SOD2: variants seen among roughly 807,000 people sequenced by gnomAD.
SOD2 encodes superoxide dismutase [Mn], mitochondrial.
In SOD2, 11 loss-of-function variants were observed where a neutral mutation model predicts 27.0. The ratio of observed to expected loss-of-function variants is 0.41; its 90% CI spans 0.26 to 0.67. The LOEUF (loss-of-function observed/expected upper bound fraction) is 0.67, where lower values mean the gene tolerates loss of function less well. SOD2 is among the 30% of genes least tolerant of loss of function. SOD2 has a pLI of 0.34. For missense variants in SOD2, 250 were observed against 274.5 expected (o/e 0.91, Z 0.63); for synonymous variants, 105 against 103.0 (o/e 1.02, Z -0.12).
chr6:159,692,739 G>A lies in SOD2; in HGVS notation c.148C>T (p.His50Tyr), dbSNP rs2114793234. ...TAGGCCGCGTGGTGCTTGCTGTGGTGCAGCTGCATGATCTGCGCGTTGATG... is the reference window on the plus strand; with the variant it reads ...TAGGCCGCGTGGTGCTTGCTGTGGTACAGCTGCATGATCTGCGCGTTGATG... ...PHINAQIMQLHHSKHHAAYVN... is the reference protein window; with the variant it reads ...PHINAQIMQLYHSKHHAAYVN... Residue 50 changes from histidine (H) to tyrosine (Y), a missense_variant, in exon 2 of 5, where the codon CAC becomes TAC. Transcript: ENST00000538183. The A allele has an allele frequency of 6.2e-7, 1 of 1,614,174 alleles. No individual in the cohort carries two copies. The highest frequency in any genetic ancestry group is 8.5e-7 in the Non-Finnish European group (1 of 1,180,034).
chr6:159,719,987 G>A (rs1260905536), intron 1 of SOD2, among the ~76,000 whole-genome samples: 2 of 150,116 alleles, frequency 1.3e-5, no homozygotes, highest in Non-Finnish European at 3.0e-5. Context: ...GTCTCCCAAA[G>A]TCCTGGGATT....
chr6:159,697,261 T>C (rs1400858918), upstream of SOD2, among the ~76,000 whole-genome samples: 3 of 152,222 alleles, frequency 2.0e-5, no homozygotes, highest in Non-Finnish European at 4.4e-5. Context: ...TTTTTCTTTC[T>C]TCCTGCCTGT....
chr6:159,716,643 C>G (rs564983357), intron 1 of SOD2, among the ~76,000 whole-genome samples: 4 of 152,254 alleles, frequency 2.6e-5, no homozygotes, highest in African/African-American at 9.6e-5. Flanking sequence ...CAGTTCTCAT[C>G]AAGGGCATGA....
chr6:159,713,460 C>A (rs1437132208), intron 1 of SOD2: 1 of 658,546 alleles, frequency 1.5e-6, no homozygotes, highest in Non-Finnish European at 2.8e-6. Flanking sequence ...TTTCAATGTA[C>A]CTGTGCCCTA....
intron 1 of SOD2, chr6:159,753,425 C>T (rs753397036): frequency 1.9e-6 from 3 of 1,613,822 alleles, no homozygotes; most frequent in Non-Finnish European, 2.5e-6. Flanking sequence ...AGAGTTTTGT[C>T]TTCATTTTGT....
At chr6:159,715,883 G>A (rs1777914457) in intron 1 of SOD2, among the ~76,000 whole-genome samples, 1 of 148,452 alleles carries the variant, frequency 6.7e-6, no homozygotes, top group Non-Finnish European at 1.5e-5. Flanking sequence ...CTGGGCAACA[G>A]AGCTAGACCC....
upstream of SOD2, among the ~76,000 whole-genome samples, chr6:159,747,907 A>G (rs1779670907): frequency 6.6e-6 from 1 of 152,066 alleles, no homozygotes. Context: ...TATTTTTTTA[A>G]TTGACAAATA....
intron 1 of SOD2, chr6:159,742,260 A>G: frequency 1.2e-6 from 1 of 843,244 alleles, no homozygotes; most frequent in Non-Finnish European, 1.8e-6. Flanking sequence ...TTTTATTATA[A>G]GAACTGTACA....
Position 159,755,352 on chromosome 6 carries a change from A to G in SOD2, c.-336+5685T>C, listed in dbSNP as rs369657864. The G allele has an allele frequency of 3.3e-5, 54 of 1,614,260 alleles. No homozygotes were observed. Among genetic ancestry groups the G allele is most frequent in the Admixed American group, 6.7e-5 (4 of 60,036 alleles). On this transcript the variant is annotated intron_variant, in intron 1 of 7. Transcript: ENST00000546087. The stretch of plus-strand genomic sequence containing the variant: ...TTTCCTTCTTCTCCAGGGAATGGTA[A>G]TAAGTCCTCCAACAGCTCAGAGGAG...
chr6:159,745,489 TC>T (rs372079387), upstream of SOD2, among the ~76,000 whole-genome samples: 1 of 152,170 alleles, frequency 6.6e-6, no homozygotes, highest in East Asian at 1.9e-4. Context: ...CTGAACAACT[TC>T]CTGTTCTTCC....
Position 159,712,817 on chromosome 6 carries a change from C to T in SOD2, c.-116+14312G>A, listed in dbSNP as rs75166732. Reference sequence around the variant, plus strand: ...GGTTGGGTAAGCCCATCTCTCCCATCATTTGCCTACCATAAGCACCACCAC... The same window carrying T: ...GGTTGGGTAAGCCCATCTCTCCCATTATTTGCCTACCATAAGCACCACCAC... On this transcript the variant is annotated intron_variant, in intron 1 of 2. Transcript: ENST00000401980. 3,608 of 564,812 alleles carry T rather than the reference C, an allele frequency of 6.4e-3. 118 individuals carry two copies. Among genetic ancestry groups the T allele is most frequent in the African/African-American group, 0.062 (3,258 of 52,960 alleles). The allele number at this position is 564,812 out of a possible 1,614,324, so 35.0% of individuals were successfully genotyped here. A position where few individuals can be genotyped will look rare whatever the true frequency, so the allele number is the denominator to read the frequency against.
Position 159,692,785 on chromosome 6 carries a change from GT to G in SOD2, c.101del (p.Asp34AlafsTer26). On this transcript the variant is annotated frameshift_variant, in exon 2 of 5. Transcript: ENST00000538183. LOFTEE classifies it high-confidence loss of function. ...TGATGTGAGGTTCCAGGGCGCCGTA[GT>G]CGTAGGGCAGGTCGGGGAGGCTGTG... ...QKHSLPDLPY[D>X]YGALEPHINA... is the part of the protein sequence containing the mutation. The G allele has an allele frequency of 6.2e-7, 1 of 1,614,158 alleles. No homozygotes were observed. Among genetic ancestry groups the G allele is most frequent in the Non-Finnish European group, 8.5e-7 (1 of 1,180,026 alleles).
intron 1 of SOD2, among the ~76,000 whole-genome samples, chr6:159,743,179 C>A (rs1320928315): frequency 6.6e-6 from 1 of 152,228 alleles, no homozygotes; most frequent in Admixed American, 6.5e-5. Flanking sequence ...TCCCAAGTAG[C>A]TGGGATTACA....
At chr6:159,685,528 C>T (rs1445278409) in intron 3 of SOD2, among the ~76,000 whole-genome samples, 1 of 152,136 alleles carries the variant, frequency 6.6e-6, no homozygotes, top group Non-Finnish European at 1.5e-5. Flanking sequence ...AGGCGTGAGC[C>T]ACCGTGCCCG....
In SOD2 at chr6:159,680,710, C is replaced by G. The variant is rs749141816; in HGVS notation, c.*1783G>C. ...CAGCACTTTGGGAGGCTGAGCCAGACGGATCACTTGAGGTCAGGAGTTCGA... is the reference window on the plus strand; with the variant it reads ...CAGCACTTTGGGAGGCTGAGCCAGAGGGATCACTTGAGGTCAGGAGTTCGA... On this transcript the variant is annotated 3_prime_UTR_variant, in exon 5 of 5. Coordinates refer to ENST00000538183, the MANE Select transcript of SOD2 (RefSeq NM_000636.4). 1 of 151,966 alleles carries G rather than the reference C, an allele frequency of 6.6e-6. No homozygotes were observed. The highest frequency in any genetic ancestry group is 2.4e-5 in the African/African-American group (1 of 41,342). 9.4% of individuals were successfully genotyped at this position (151,966 alleles called of 1,614,324 possible).
chr6:159,685,179 T>C, intron 3 of SOD2, 146 bp from the exon 4 acceptor site: 1 of 359,456 alleles, frequency 2.8e-6, no homozygotes, highest in Non-Finnish European at 4.9e-6. Context: ...GATCTAAGTT[T>C]CACAATTTTA....
At chr6:159,757,965 A>G (rs1488830706) in intron 1 of SOD2, among the ~76,000 whole-genome samples, 1 of 152,206 alleles carries the variant, frequency 6.6e-6, no homozygotes, top group Non-Finnish European at 1.5e-5. Context: ...TTTAATATGG[A>G]CCTGTTAATG....
Position 159,755,641 on chromosome 6 carries a change from C to T in SOD2, c.-336+5396G>A, listed in dbSNP as rs764336610. 3.2e-6 allele frequency: 5 copies of T among 1,539,130 alleles called. No homozygotes were observed. In the Admixed American group the frequency reaches 7.9e-5, roughly 24 times the overall value. ...TTTTCAGCAAATTTTTATACAGTGT[C>T]ATTTAATTTGGGAGAGGATACTGTC... On this transcript the variant is annotated intron_variant, in intron 1 of 7. Transcript: ENST00000546087.
chr6:159,729,359 T>G (rs1050279412), upstream of SOD2, among the ~76,000 whole-genome samples: 5 of 152,238 alleles, frequency 3.3e-5, no homozygotes, highest in South Asian at 2.1e-4. Flanking sequence ...ATATTTTGCT[T>G]CTTGTAGTTA....
Sources: allele counts gnomAD v4.1 joint callset (sites outside exome capture counted in the v4.1 genomes callset), GRCh38; gene constraint gnomAD v4.1.1; transcripts MANE v1.5; gene names NCBI Gene and HGNC (gene_info 2026-07-23, HGNC 2026-07-21).